Variants in L3MBTL3 observed in about 807,000 individuals in gnomAD.
The protein encoded by L3MBTL3 is L3MBTL histone methyl-lysine binding protein 3.
In L3MBTL3, 27 loss-of-function variants were observed where a neutral mutation model predicts 102.3. The observed-to-expected ratio is 0.26, with a 90% CI of 0.19 to 0.36. The LOEUF is 0.36. L3MBTL3 is among the 10% of genes least tolerant of loss of function. The pLI, the probability that L3MBTL3 is intolerant of heterozygous loss-of-function variation, is 1.00. For synonymous variants in L3MBTL3, 340 were observed against 320.9 expected (o/e 1.06, Z -0.64); for missense variants, 798 against 955.3 (o/e 0.84, Z 2.17).
chr6:130,086,474 A>G (rs894908169), intron 16 of L3MBTL3, among the ~76,000 whole-genome samples: 3 of 152,216 alleles, frequency 2.0e-5, no homozygotes, highest in Non-Finnish European at 4.4e-5. Flanking sequence ...TATTTTGAGT[A>G]TGTATTTGGA....
intron 10 of L3MBTL3, among the ~76,000 whole-genome samples, chr6:130,063,469 C>T (rs780209595): frequency 1.3e-5 from 2 of 152,104 alleles, no homozygotes; most frequent in African/African-American, 2.4e-5. Context: ...TTTCATTATT[C>T]GCAGTAGTTA....
At chr6:130,115,351 A>G (rs2115444637) in intron 19 of L3MBTL3, among the ~76,000 whole-genome samples, 1 of 152,332 alleles carries the variant, frequency 6.6e-6, no homozygotes, top group Non-Finnish European at 1.5e-5. Context: ...TGGTTGGCAA[A>G]TATTTCAATC....
chr6:130,079,873 T>C (rs1366427125), intron 14 of L3MBTL3, among the ~76,000 whole-genome samples: 1 of 152,292 alleles, frequency 6.6e-6, no homozygotes, highest in South Asian at 2.1e-4. Context: ...TTTTCTCATA[T>C]AATAAAGGGA....
chr6:130,120,635 T>C (rs1225799058), intron 19 of L3MBTL3, among the ~76,000 whole-genome samples: 1 of 152,256 alleles, frequency 6.6e-6, no homozygotes, highest in African/African-American at 2.4e-5. Flanking sequence ...TCCAGAATAG[T>C]TCATTTTATT....
At position 130,141,147 on chromosome 6, in the gene L3MBTL3, T is replaced by C. The variant is rs1280749041; in HGVS notation, c.*1394T>C. The C allele has an allele frequency of 6.6e-6, 1 of 152,238 alleles. No individual in the cohort carries two copies. Among genetic ancestry groups the C allele is most frequent in the Non-Finnish European group, 1.5e-5 (1 of 68,046 alleles). 9.4% of individuals were successfully genotyped at this position (152,238 alleles called of 1,614,324 possible). On this transcript the variant is annotated 3_prime_UTR_variant, in exon 23 of 23. Transcript: ENST00000361794. ...AAAAATAGAAAGTAAGTTTGTAGCA[T>C]GCTGTCTGAATTCTGGGGTAAGTTC...
Position 130,092,811 on chromosome 6 carries a change from C to T in L3MBTL3, c.1585C>T (p.Pro529Ser). Residue 529 changes from proline to serine, a missense_variant, in exon 17 of 23, where the codon CCT becomes TCT. By Grantham distance (74) the Pro-to-Ser change is moderately conservative. Transcript: ENST00000361794. Reference sequence around the variant, plus strand: ...AGATGCAGATTCTCCTGATATTCACCCTGTAGGCTGGTGTTCAAAAACAGG... The same window carrying T: ...AGATGCAGATTCTCCTGATATTCACTCTGTAGGCTGGTGTTCAAAAACAGG... ...WIDADSPDIH[P>S]VGWCSKTGHP... 6.2e-7 allele frequency: 1 copy of T among 1,613,142 alleles called. No individual in the cohort carries two copies. Among genetic ancestry groups the T allele is most frequent in the Non-Finnish European group, 8.5e-7 (1 of 1,179,310 alleles).
intron 14 of L3MBTL3, among the ~76,000 whole-genome samples, chr6:130,081,422 ATT>A (rs71028192): frequency 3.4e-5 from 5 of 145,152 alleles, no homozygotes; most frequent in Non-Finnish European, 3.0e-5. Context: ...TATTAACTCC[ATT>A]TTTTTTTTTT....
intron 14 of L3MBTL3, among the ~76,000 whole-genome samples, chr6:130,079,201 A>AT (rs1354191910): frequency 6.6e-6 from 1 of 152,080 alleles, no homozygotes. Context: ...GAGGCTTTAG[A>AT]TTTTTTTACT....
intron 20 of L3MBTL3, among the ~76,000 whole-genome samples, chr6:130,126,083 C>T (rs1326067973): frequency 6.6e-6 from 1 of 151,230 alleles, no homozygotes; most frequent in Non-Finnish European, 1.5e-5. Flanking sequence ...CTCGCTCCCT[C>T]CCTCCCTCCT....
intron 19 of L3MBTL3, among the ~76,000 whole-genome samples, chr6:130,105,549 G>C (rs775398212): frequency 6.6e-6 from 1 of 150,924 alleles, no homozygotes; most frequent in Non-Finnish European, 1.5e-5. Flanking sequence ...TTGAGCCTGG[G>C]AGGTCGAGGC....
rs756608948 is a variant in L3MBTL3, at chr6:130,133,561, A to G, written c.2076A>G (p.Lys692=). 5 of 1,614,050 alleles carry G rather than the reference A, an allele frequency of 3.1e-6. No homozygotes were observed. The highest frequency in any genetic ancestry group is 4.2e-6 in the Non-Finnish European group (5 of 1,179,990). The part of the protein sequence containing the change: ...CLPLRWEQQS[K]LLPTVAGIPA... ...CCTTGCGCTGGGAGCAGCAAAGCAA[A>G]CTTCTTCCAACTGTCGCAGGAATCC... The change falls in exon 21 of 23, where the codon AAA becomes AAG. Residue 692 remains lysine (K), a synonymous_variant. Transcript: ENST00000361794. This position sits in a 1 kb window ranked among gnomAD's most constrained non-coding sequence, Gnocchi z 4.9.
chr6:130,076,728 AAG>A (rs1369093046), intron 13 of L3MBTL3, among the ~76,000 whole-genome samples: 1 of 152,190 alleles, frequency 6.6e-6, no homozygotes, highest in Non-Finnish European at 1.5e-5. Flanking sequence ...AGATGGGACT[AAG>A]AGATGACTTG....
intron 14 of L3MBTL3, among the ~76,000 whole-genome samples, chr6:130,078,971 T>G (rs1017783759): frequency 3.3e-5 from 5 of 152,236 alleles, no homozygotes; most frequent in African/African-American, 1.2e-4. Context: ...AAAGTTCTGT[T>G]TTAAAAGATC....
rs150100783 is a variant in L3MBTL3 at position 130,095,849 on chromosome 6, C to T, written c.1736+1482C>T. On this transcript the variant is annotated intron_variant, in intron 18 of 22. Transcript: ENST00000361794. Reference sequence around the variant, plus strand: ...TCCCATGATAACAAACCCACTTCTGCGATAATGTCATTAATCCATCCAGGA... The same window carrying T: ...TCCCATGATAACAAACCCACTTCTGTGATAATGTCATTAATCCATCCAGGA... Among the ~76,000 whole-genome samples, 229 of 152,200 alleles carry T rather than the reference C, an allele frequency of 1.5e-3. 1 individual carries two copies. The highest frequency in any genetic ancestry group is 2.6e-3 in the Non-Finnish European group (177 of 68,014).
At chr6:130,079,319 T>A (rs1783161543) in intron 14 of L3MBTL3, among the ~76,000 whole-genome samples, 1 of 152,230 alleles carries the variant, frequency 6.6e-6, no homozygotes, top group Non-Finnish European at 1.5e-5. Flanking sequence ...TCTGAAGTTT[T>A]CAGGCGCTTC....
intron 2 of L3MBTL3, among the ~76,000 whole-genome samples, chr6:130,026,720 A>G (rs1233011631): frequency 1.3e-5 from 2 of 152,152 alleles, no homozygotes; most frequent in African/African-American, 4.8e-5. Context: ...AGGCTTGGGA[A>G]TCACTGGGCT....
At chr6:130,098,798 G>T (rs2115296601) in intron 18 of L3MBTL3, among the ~76,000 whole-genome samples, 1 of 151,352 alleles carries the variant, frequency 6.6e-6, no homozygotes, top group African/African-American at 2.4e-5. Flanking sequence ...TGAAGTCCCT[G>T]CTCTTAACTG....
At chr6:130,033,775 G>A (rs1779874120) in intron 2 of L3MBTL3, among the ~76,000 whole-genome samples, 1 of 152,162 alleles carries the variant, frequency 6.6e-6, no homozygotes, top group South Asian at 2.1e-4. Context: ...TAACTATGAA[G>A]CTATAAAATG....
chr6:130,132,905 G>T (rs1464374129), intron 20 of L3MBTL3, among the ~76,000 whole-genome samples: 1 of 151,830 alleles, frequency 6.6e-6, no homozygotes, highest in Non-Finnish European at 1.5e-5. Flanking sequence ...TATTTTTATT[G>T]CAATAATTTC....
Sources: allele counts gnomAD v4.1 joint callset (sites outside exome capture counted in the v4.1 genomes callset), GRCh38; gene constraint gnomAD v4.1.1; non-coding constraint Gnocchi (gnomAD v3.1); transcripts MANE v1.5; gene names NCBI Gene and HGNC (gene_info 2026-07-23, HGNC 2026-07-21).